The following MAGI2 variants were observed in gnomAD, a reference collection of about 807,000 sequenced individuals.
MAGI2 encodes membrane associated guanylate kinase, WW and PDZ domain containing 2.
MAGI2 carries 35 observed loss-of-function variants against 133.3 expected under a neutral mutation model. That is an observed-to-expected ratio of 0.26 (90% CI 0.20 to 0.35). MAGI2 has a LOEUF of 0.35. Ranked by LOEUF, MAGI2 falls within the 10% of genes least tolerant of loss-of-function variation. The pLI is 1.00. For synonymous variants in MAGI2, 729 were observed against 710.6 expected, an observed-to-expected ratio of 1.03 and a Z score of -0.41; for missense variants, 1,636 against 1,863.4, an observed-to-expected ratio of 0.88 and a Z score of 2.25.
intron 2 of MAGI2, among the ~76,000 whole-genome samples, chr7:78,796,429 A>G (rs915585019): frequency 1.3e-5 from 2 of 152,144 alleles, no homozygotes; most frequent in Non-Finnish European, 1.5e-5. Context: ...CAAAACCACA[A>G]TGGGATATCA....
At chr7:79,192,421 C>T (rs1397358636) in intron 1 of MAGI2, among the ~76,000 whole-genome samples, 2 of 151,734 alleles carry the variant, frequency 1.3e-5, no homozygotes, top group African/African-American at 4.9e-5. Flanking sequence ...AAAAAAGACA[C>T]AGCCTTTGCC....
intron 3 of MAGI2, among the ~76,000 whole-genome samples, chr7:78,624,507 G>A (rs1231582760): frequency 6.6e-6 from 1 of 152,130 alleles, no homozygotes; most frequent in East Asian, 1.9e-4. Context: ...GGACATGGAT[G>A]GAGTCGGAAG....
chr7:78,336,172 A>G (rs1483396700), intron 9 of MAGI2, among the ~76,000 whole-genome samples: 2 of 152,164 alleles, frequency 1.3e-5, no homozygotes, highest in Admixed American at 1.3e-4. Context: ...TTTTTTATTT[A>G]CCATGCACAT....
chr7:78,663,202 C>CTTTTTTTTT (rs35544274), intron 2 of MAGI2, among the ~76,000 whole-genome samples: 3 of 109,244 alleles, frequency 2.7e-5, no homozygotes, highest in African/African-American at 1.0e-4. Context: ...TGTACCAACT[C>CTTTTTTTTT]TTTTTTTTTT....
chr7:78,135,301 C>A, intron 16 of MAGI2, 95 bp from the exon 17 acceptor site: 1 of 1,048,000 alleles, frequency 9.5e-7, no homozygotes, highest in Non-Finnish European at 1.4e-6. Flanking sequence ...TGTCAGAATT[C>A]CTTCCTTCGT....
chr7:78,712,761 CT>C (rs1257245620), intron 2 of MAGI2, among the ~76,000 whole-genome samples: 1 of 152,070 alleles, frequency 6.6e-6, no homozygotes, highest in Non-Finnish European at 1.5e-5. Context: ...CTACTGTTAT[CT>C]GTTTAATTGA....
At chr7:78,235,708 T>C (rs931928527) in intron 10 of MAGI2, among the ~76,000 whole-genome samples, 4 of 151,604 alleles carry the variant, frequency 2.6e-5, no homozygotes, top group Non-Finnish European at 4.4e-5. Context: ...TACCCAGTCT[T>C]GGGCAGTTCT....
chr7:78,664,971 T>C (rs1236978955), intron 2 of MAGI2, among the ~76,000 whole-genome samples: 2 of 152,086 alleles, frequency 1.3e-5, no homozygotes, highest in East Asian at 1.9e-4. Flanking sequence ...TAAAAACCCA[T>C]GTGAATTTCT....
chr7:78,574,550 G>A (rs575338020), intron 3 of MAGI2, among the ~76,000 whole-genome samples: 19 of 152,318 alleles, frequency 1.2e-4, no homozygotes, highest in Admixed American at 1.0e-3. Context: ...GGATGGCATT[G>A]TAACTCATTA....
intron 6 of MAGI2, among the ~76,000 whole-genome samples, chr7:78,483,374 C>T (rs1192914868): frequency 6.6e-6 from 1 of 151,786 alleles, no homozygotes; most frequent in African/African-American, 2.4e-5. Context: ...CAAAGTAGGA[C>T]AGAGTTTTGT....
chr7:79,258,057 A>G (rs1347648305), intron 1 of MAGI2, among the ~76,000 whole-genome samples: 1 of 152,196 alleles, frequency 6.6e-6, no homozygotes, highest in Non-Finnish European at 1.5e-5. Flanking sequence ...ATGTCTTTGA[A>G]CATCAAACAT....
intron 3 of MAGI2, among the ~76,000 whole-genome samples, chr7:78,598,781 G>A (rs868154106): frequency 2.0e-5 from 3 of 152,154 alleles, no homozygotes; most frequent in African/African-American, 7.2e-5. Flanking sequence ...AGGATATAGT[G>A]TTAGGTTATT....
intron 20 of MAGI2, among the ~76,000 whole-genome samples, chr7:78,124,860 TC>T (rs1252371956): frequency 9.7e-5 from 6 of 61,548 alleles, no homozygotes; most frequent in Non-Finnish European, 2.0e-4. Context: ...CTAGCTGCTG[TC>T]TTTTTTTTTT....
At chr7:78,120,858 G>A (rs949342963) in intron 20 of MAGI2, among the ~76,000 whole-genome samples, 6 of 150,472 alleles carry the variant, frequency 4.0e-5, no homozygotes, top group East Asian at 1.9e-4. Flanking sequence ...AAAATTAGCC[G>A]GGCGTAGTGG....
intron 1 of MAGI2, among the ~76,000 whole-genome samples, chr7:79,419,168 A>G (rs1007385975): frequency 1.3e-5 from 2 of 152,020 alleles, no homozygotes. Flanking sequence ...TCCTTTACTA[A>G]ACATCTCTTG....
At chr7:78,918,646 C>T (rs904531935) in intron 2 of MAGI2, among the ~76,000 whole-genome samples, 1 of 152,124 alleles carries the variant, frequency 6.6e-6, no homozygotes, top group Non-Finnish European at 1.5e-5. Flanking sequence ...TAGATATCAA[C>T]TTTGTATTAC....
chr7:79,257,995 A>G (rs962587678), intron 1 of MAGI2, among the ~76,000 whole-genome samples: 2 of 152,120 alleles, frequency 1.3e-5, no homozygotes, highest in African/African-American at 4.8e-5. Context: ...ATTTTGCCTG[A>G]CCTCATGCAT....
intron 2 of MAGI2, among the ~76,000 whole-genome samples, chr7:78,960,745 G>A (rs1802765391): frequency 6.6e-6 from 1 of 152,044 alleles, no homozygotes; most frequent in African/African-American, 2.4e-5. Flanking sequence ...CATAGTTAGT[G>A]AGTTAGCTAG....
chr7:78,118,667 A>G (rs968817868), intron 20 of MAGI2, among the ~76,000 whole-genome samples: 4 of 152,214 alleles, frequency 2.6e-5, no homozygotes, highest in Admixed American at 1.3e-4. Context: ...CTGCATGCCT[A>G]TCAGAATGGC....
Sources: gnomAD v4.1 joint callset for allele counts (sites outside exome capture counted in the v4.1 genomes callset) on GRCh38, gnomAD v4.1.1 for gene constraint, MANE v1.5 for transcripts, NCBI Gene and HGNC (gene_info 2026-07-23, HGNC 2026-07-21) for gene names.